OR56A3: variants seen among roughly 807,000 people sequenced by gnomAD.
OR56A3 encodes olfactory receptor 56A3.
A neutral mutation model predicts 17.5 loss-of-function variants in OR56A3; 23 were observed. The observed-to-expected ratio is 1.32, with a 90% CI of 0.95 to 1.87. The LOEUF is 1.87. Ranked by LOEUF, OR56A3 falls within the 40% of genes most tolerant of loss-of-function variation. The probability of loss-of-function intolerance (pLI) is 0.00; values close to 1 mark genes in which losing one functional copy is unlikely to be tolerated. For missense variants in OR56A3, 366 were observed against 380.1 expected (o/e 0.96, Z 0.31); for synonymous variants, 175 against 150.6 (o/e 1.16, Z -1.19).
chr11:5,980,105 G>A, the OR56A3 span, among the ~76,000 whole-genome samples: 6 of 152,024 alleles, frequency 3.9e-5, no homozygotes, highest in African/African-American at 1.2e-4. Context: ...TTATAGCTGA[G>A]CATGTTATTG....
chr11:5,955,879 C>T (rs919972690), downstream of OR56A3, among the ~76,000 whole-genome samples: 14 of 152,102 alleles, frequency 9.2e-5, no homozygotes, highest in African/African-American at 3.1e-4. Context: ...CATATAGCCT[C>T]CTTTTTAACC....
the OR56A3 span, among the ~76,000 whole-genome samples, chr11:5,981,012 GT>G: frequency 2.0e-5 from 3 of 152,164 alleles, no homozygotes; most frequent in Non-Finnish European, 4.4e-5. Flanking sequence ...AGTTTGTGAG[GT>G]TTTTTGCTGA....
chr11:5,985,952 G>C, the OR56A3 span: 1 of 1,606,210 alleles, frequency 6.2e-7, no homozygotes, highest in South Asian at 1.1e-5. Context: ...CAATCCTTTT[G>C]TGTAAACACT....
the OR56A3 span, among the ~76,000 whole-genome samples, chr11:5,982,548 G>A: frequency 6.6e-6 from 1 of 152,130 alleles, no homozygotes; most frequent in Non-Finnish European, 1.5e-5. Flanking sequence ...TGGCAGACAG[G>A]GCAGCACTCA....
At chr11:5,958,966 AT>A in the OR56A3 span, among the ~76,000 whole-genome samples, 1 of 152,182 alleles carries the variant, frequency 6.6e-6, no homozygotes, top group Non-Finnish European at 1.5e-5. Context: ...AGATTCCATT[AT>A]TTTTGTGGCT....
chr11:5,985,979 G>A, the OR56A3 span: 43 of 1,611,536 alleles, frequency 2.7e-5, no homozygotes, highest in Admixed American at 3.4e-5. Flanking sequence ...ACTCGCTGGC[G>A]GATCTGCTGA....
chr11:5,982,588 A>C, the OR56A3 span, among the ~76,000 whole-genome samples: 13 of 152,132 alleles, frequency 8.5e-5, no homozygotes, highest in Non-Finnish European at 1.5e-4. Flanking sequence ...CACAGGCAAG[A>C]TATCCCTGTT....
At chr11:5,994,030 T>C in the OR56A3 span, 1 of 469,998 alleles carries the variant, frequency 2.1e-6, no homozygotes, top group East Asian at 6.1e-5. Context: ...CAGGCTGCAG[T>C]AGGTGGTGAT....
At chr11:5,992,859 T>C in the OR56A3 span, among the ~76,000 whole-genome samples, 1 of 152,074 alleles carries the variant, frequency 6.6e-6, no homozygotes, top group Non-Finnish European at 1.5e-5. Context: ...GTAGCCACAA[T>C]CTCCTTGGGA....
the OR56A3 span, among the ~76,000 whole-genome samples, chr11:5,957,552 T>C: frequency 3.9e-5 from 6 of 152,176 alleles, no homozygotes; most frequent in African/African-American, 7.2e-5. Context: ...AAGCACATCA[T>C]TGGAGAATAG....
At chr11:5,998,981 T>C in the OR56A3 span, among the ~76,000 whole-genome samples, 689 of 152,314 alleles carry the variant, frequency 4.5e-3, 4 homozygotes, top group African/African-American at 0.015. Flanking sequence ...ATGTGAGCAC[T>C]GGAGTGGTAT....
the OR56A3 span, among the ~76,000 whole-genome samples, chr11:5,963,684 T>C: frequency 2.1e-3 from 314 of 152,266 alleles, no homozygotes; most frequent in Non-Finnish European, 3.1e-3. Flanking sequence ...GTCTTAGGTG[T>C]ATTGAATCTC....
At chr11:6,017,696 C>T in the OR56A3 span, among the ~76,000 whole-genome samples, 25 of 152,172 alleles carry the variant, frequency 1.6e-4, no homozygotes, top group African/African-American at 6.0e-4. Flanking sequence ...AACAAAATGG[C>T]AGGAATAAGT....
Position 5,947,936 on chromosome 11 carries a change from C to A in OR56A3, c.590C>A (p.Thr197Asn), listed in dbSNP as rs1564799937. Residue 197 changes from threonine to asparagine, a missense_variant, in exon 3 of 3, where the codon ACC (threonine) becomes AAC (asparagine). By Grantham distance (65) the Thr-to-Asn change is moderately conservative. Coordinates refer to ENST00000641160, the MANE Select transcript of OR56A3 (RefSeq NM_001003443.3). ...TCCAGACTCTCCTGCGATGATGTCA[C>A]CATCAATCACCTTTACCAATTTGCT... ...SVSRLSCDDV[T>N]INHLYQFAGG... is the part of the protein sequence containing the mutation. 6.2e-7 allele frequency: 1 copy of A among 1,614,028 alleles called. No homozygotes were observed. Among genetic ancestry groups the A allele is most frequent in the Non-Finnish European group, 8.5e-7 (1 of 1,179,880 alleles).
the OR56A3 span, chr11:5,986,657 C>G: frequency 1.2e-5 from 19 of 1,613,742 alleles, no homozygotes; most frequent in African/African-American, 2.1e-4. Context: ...GTGGAGGAGG[C>G]CAGAACCAGG....
the OR56A3 span, among the ~76,000 whole-genome samples, chr11:5,991,423 T>C: frequency 6.6e-6 from 1 of 152,072 alleles, no homozygotes; most frequent in Non-Finnish European, 1.5e-5. Flanking sequence ...AACAAGGAGA[T>C]TAAAGAGAGA....
At chr11:5,962,432 C>G in the OR56A3 span, among the ~76,000 whole-genome samples, 1 of 151,904 alleles carries the variant, frequency 6.6e-6, no homozygotes, top group Non-Finnish European at 1.5e-5. Flanking sequence ...GAATTCTCTC[C>G]TCTTTAATTT....
downstream of OR56A3, among the ~76,000 whole-genome samples, chr11:5,954,316 T>C (rs1488903100): frequency 6.6e-6 from 1 of 152,172 alleles, no homozygotes; most frequent in African/African-American, 2.4e-5. Context: ...AAATCAAATG[T>C]ACCTCTGACT....
chr11:5,967,442 C>T, the OR56A3 span: 3 of 799,978 alleles, frequency 3.8e-6, no homozygotes, highest in African/African-American at 3.5e-5. Flanking sequence ...CTGAAGAAAG[C>T]CAAGTCTAAA....
Sources: allele counts gnomAD v4.1 joint callset (sites outside exome capture counted in the v4.1 genomes callset), GRCh38; gene constraint gnomAD v4.1.1; transcripts MANE v1.5; gene names NCBI Gene and HGNC (gene_info 2026-07-23, HGNC 2026-07-21).